SPTLC2: variants seen among roughly 807,000 people sequenced by gnomAD.
The protein encoded by SPTLC2 is serine palmitoyltransferase long chain base subunit 2, also known as serine palmitoyltransferase 2.
In SPTLC2, 21 loss-of-function variants were observed where a neutral mutation model predicts 62.0. The ratio of observed to expected loss-of-function variants is 0.34; its 90% CI spans 0.24 to 0.49. The LOEUF (loss-of-function observed/expected upper bound fraction) is 0.49, where lower values mean the gene tolerates loss of function less well. Among genes scored for constraint, SPTLC2 ranks in the 20% least tolerant of loss-of-function variants. SPTLC2 has a pLI of 0.99. For missense variants in SPTLC2, 511 were observed against 713.0 expected, an observed-to-expected ratio of 0.72 and a Z score of 3.23; for synonymous variants, 261 against 261.8, an observed-to-expected ratio of 1.00 and a Z score of 0.03.
chr14:77,534,092 A>G (rs1226096917), intron 9 of SPTLC2, among the ~76,000 whole-genome samples: 1 of 151,958 alleles, frequency 6.6e-6, no homozygotes, highest in Non-Finnish European at 1.5e-5. Context: ...TGGGTGGTAG[A>G]GGTTGCAGTG....
At chr14:77,582,114 G>A (rs544473240) in intron 2 of SPTLC2, among the ~76,000 whole-genome samples, 31 of 151,630 alleles carry the variant, frequency 2.0e-4, no homozygotes, top group Admixed American at 2.0e-4. Context: ...GTGCAATGGT[G>A]TGATCTCGGC....
At chr14:77,526,200 T>G (rs1488666745) in intron 9 of SPTLC2, among the ~76,000 whole-genome samples, 1 of 152,230 alleles carries the variant, frequency 6.6e-6, no homozygotes, top group South Asian at 2.1e-4. Flanking sequence ...TTGAGTATCA[T>G]ATAAAATAGC....
chr14:77,590,491 G>C (rs1393936095), intron 2 of SPTLC2, among the ~76,000 whole-genome samples: 1 of 152,186 alleles, frequency 6.6e-6, no homozygotes, highest in Non-Finnish European at 1.5e-5. Flanking sequence ...TGGGCAGATA[G>C]ATAAACATGA....
In SPTLC2 at chr14:77,512,506, G is replaced by A. The variant is rs45604132; in HGVS notation, c.1570-103C>T. ...AACAATCATGGCAAGATTATCCTTC[G>A]GCAGGACTTATGTCTAGTGCATTTA... On this transcript the variant is annotated intron_variant, in intron 11 of 11. Transcript: ENST00000216484. The A allele has an allele frequency of 4.0e-3, 6,208 of 1,553,150 alleles. 10 individuals are homozygous for A. Among genetic ancestry groups the A allele is most frequent in the Non-Finnish European group, 5.0e-3 (5,620 of 1,132,260 alleles).
At chr14:77,573,940 A>T (rs1296533436) in intron 4 of SPTLC2, among the ~76,000 whole-genome samples, 1 of 152,188 alleles carries the variant, frequency 6.6e-6, no homozygotes, top group Non-Finnish European at 1.5e-5. Flanking sequence ...CCAGAAGACG[A>T]CAATGTTTGA....
chr14:77,541,521 T>C (rs979969248), intron 9 of SPTLC2, among the ~76,000 whole-genome samples: 7 of 152,214 alleles, frequency 4.6e-5, no homozygotes, highest in Non-Finnish European at 1.0e-4. Context: ...TACACCCATT[T>C]AGAAGCGGGG....
intron 1 of SPTLC2, 109 bp downstream of exon 1, chr14:77,616,339 G>T (rs1949166658): frequency 3.2e-6 from 2 of 633,510 alleles, no homozygotes; most frequent in Non-Finnish European, 4.3e-6. Flanking sequence ...TGCGAACGGC[G>T]CCCGCCCCGC....
intron 9 of SPTLC2, among the ~76,000 whole-genome samples, chr14:77,549,427 C>G (rs116278990): frequency 0.023 from 3,433 of 152,228 alleles, 108 homozygotes; most frequent in African/African-American, 0.078. Flanking sequence ...GTCACGATGT[C>G]ATGAGGAGCC....
intron 9 of SPTLC2, among the ~76,000 whole-genome samples, chr14:77,542,268 G>GA (rs2079505454): frequency 6.6e-6 from 1 of 151,906 alleles, no homozygotes; most frequent in East Asian, 1.9e-4. Flanking sequence ...GAAAGATAAA[G>GA]AATCTTATCT....
intron 11 of SPTLC2, among the ~76,000 whole-genome samples, chr14:77,517,680 GAA>G (rs1319704653): frequency 1.3e-5 from 2 of 152,196 alleles, no homozygotes; most frequent in Non-Finnish European, 2.9e-5. Context: ...GAGATGTGAA[GAA>G]TGAGTGGCAG....
chr14:77,531,134 G>C (rs1441699753), intron 9 of SPTLC2, among the ~76,000 whole-genome samples: 1 of 152,082 alleles, frequency 6.6e-6, no homozygotes, highest in Non-Finnish European at 1.5e-5. Flanking sequence ...TTCCAAAGAG[G>C]GCACCCTGCA....
At chr14:77,585,545 T>C (rs1264563221) in intron 2 of SPTLC2, among the ~76,000 whole-genome samples, 4 of 152,178 alleles carry the variant, frequency 2.6e-5, no homozygotes, top group Non-Finnish European at 5.9e-5. Context: ...AATCACTGCT[T>C]TGATGTTAGG....
At chr14:77,564,063 C>T (rs1392751836) in intron 5 of SPTLC2, among the ~76,000 whole-genome samples, 1 of 151,586 alleles carries the variant, frequency 6.6e-6, no homozygotes, top group Non-Finnish European at 1.5e-5. Flanking sequence ...ACCAGCCTGG[C>T]CAACATGGCA....
At chr14:77,550,557 A>G (rs1566776924) in intron 9 of SPTLC2, among the ~76,000 whole-genome samples, 1 of 152,048 alleles carries the variant, frequency 6.6e-6, no homozygotes, top group Non-Finnish European at 1.5e-5. Context: ...CCTGAGCAAC[A>G]AGAGCAAAAC....
At chr14:77,597,416 G>C in intron 1 of SPTLC2, 36 bp from the exon 2 acceptor site, 1 of 1,581,908 alleles carries the variant, frequency 6.3e-7, no homozygotes, top group Non-Finnish European at 8.7e-7. Context: ...TTTCCATCAT[G>C]GCAAGAAAAA....
chr14:77,555,537 A>AAT lies in SPTLC2; in HGVS notation c.957-20_957-19dup, dbSNP rs1046352769. The stretch of plus-strand genomic sequence containing the variant: ...CCTCCATGCTGGCAAAACATGAAAA[A>AAT]ATATATATATACACATATACACTGA... On this transcript the variant is annotated intron_variant, in intron 7 of 11. Transcript: ENST00000216484. 16 of 1,610,270 alleles carry AAT rather than the reference A, an allele frequency of 9.9e-6. 2 individuals are homozygous for AAT. The Middle Eastern group carries it at 1.8e-3, about 183-fold the overall frequency.
chr14:77,539,377 A>T (rs1358958589), intron 9 of SPTLC2, among the ~76,000 whole-genome samples: 3 of 152,014 alleles, frequency 2.0e-5, no homozygotes, highest in African/African-American at 7.2e-5. Context: ...AAAATTAATT[A>T]AAAAAAGAAG....
intron 5 of SPTLC2, among the ~76,000 whole-genome samples, chr14:77,569,851 T>TTAATTAATTAATTAATATTATATATA (rs1566783359): frequency 2.8e-5 from 1 of 35,242 alleles, no homozygotes; most frequent in African/African-American, 6.4e-5. Context: ...ATATTATATA[T>TTAATTAATTAATTAATATTATATATA]ATGTATATAA....
intron 5 of SPTLC2, among the ~76,000 whole-genome samples, chr14:77,566,528 C>G (rs925976097): frequency 1.3e-5 from 2 of 152,162 alleles, no homozygotes; most frequent in Non-Finnish European, 2.9e-5. Flanking sequence ...TGCATCGGCG[C>G]AATCTCGGCT....
Sources: gnomAD v4.1 joint callset for allele counts (sites outside exome capture counted in the v4.1 genomes callset) on GRCh38, gnomAD v4.1.1 for gene constraint, MANE v1.5 for transcripts, NCBI Gene and HGNC (gene_info 2026-07-23, HGNC 2026-07-21) for gene names.